Variants in HSF2BP observed in about 807,000 individuals in gnomAD.
HSF2BP encodes heat shock factor 2-binding protein.
Under a neutral mutation model 35.0 loss-of-function variants are expected in HSF2BP, and 35 were observed. The ratio of observed to expected loss-of-function variants is 1.00; its 90% CI spans 0.76 to 1.32. HSF2BP has a LOEUF of 1.32. Among genes scored for constraint, HSF2BP ranks in the 40% most tolerant of loss-of-function variants. The pLI is 0.00. For missense variants in HSF2BP, 326 were observed against 321.7 expected (o/e 1.01, Z -0.10); for synonymous variants, 114 against 117.4 (o/e 0.97, Z 0.18).
intron 4 of HSF2BP, among the ~76,000 whole-genome samples, chr21:43,640,068 A>C (rs2082615486): frequency 6.6e-6 from 1 of 152,216 alleles, no homozygotes. Context: ...TTGGGAGGAC[A>C]AGGCCAAAGG....
chr21:43,594,769 G>C (rs1164931851), intron 7 of HSF2BP, among the ~76,000 whole-genome samples: 1 of 151,360 alleles, frequency 6.6e-6, no homozygotes, highest in South Asian at 2.1e-4. Flanking sequence ...GAGGTAGGGA[G>C]GGAAAGATAA....
chr21:43,623,428 A>G (rs937220898), intron 6 of HSF2BP, among the ~76,000 whole-genome samples: 2 of 152,198 alleles, frequency 1.3e-5, no homozygotes, highest in African/African-American at 4.8e-5. Flanking sequence ...AAACTCAAAA[A>G]TACTAGAAGG....
intron 8 of HSF2BP, among the ~76,000 whole-genome samples, chr21:43,582,584 C>T (rs1459501832): frequency 1.6e-5 from 1 of 64,018 alleles, no homozygotes; most frequent in Non-Finnish European, 3.0e-5. Flanking sequence ...GAGATGAAGG[C>T]CTGCTGAAGG....
Position 43,617,155 on chromosome 21 carries a change from T to C in HSF2BP, c.575-3208A>G, listed in dbSNP as rs189876558. 1.6e-3 allele frequency among the ~76,000 whole-genome samples: 243 copies of C among 152,096 alleles called. 2 individuals carry two copies. The highest frequency in any genetic ancestry group is 5.6e-3 in the African/African-American group (232 of 41,478). ...ACTGTAGACCCACGAGCAAGATAAA[T>C]GTTAAGACTTTATATTTTGAGGAGG... On this transcript the variant is annotated intron_variant, in intron 6 of 8. Transcript: ENST00000291560.
At chr21:43,588,116 G>A (rs1601626929) in intron 8 of HSF2BP, among the ~76,000 whole-genome samples, 4 of 152,308 alleles carry the variant, frequency 2.6e-5, no homozygotes, top group South Asian at 2.1e-4. Flanking sequence ...GGTGGCTCAC[G>A]CCTGTAATCC....
At position 43,605,495 on chromosome 21, in the gene HSF2BP, A is replaced by C. The variant is rs375683892; in HGVS notation, c.692+8335T>G. On this transcript the variant is annotated intron_variant, in intron 7 of 8. Coordinates refer to ENST00000291560, the MANE Select transcript of HSF2BP (RefSeq NM_007031.2). ...CCCCACACGCCACACCCACACACAC[A>C]CCCACACATATCCCCCCACGCACCT... Among the ~76,000 whole-genome samples, 48 of 136,744 alleles carry C rather than the reference A, an allele frequency of 3.5e-4. 1 individual carries two copies. The highest frequency in any genetic ancestry group is 3.4e-3 in the East Asian group (14 of 4,134). The allele number at this position is 136,744 out of a possible 152,430, so 89.7% of individuals were successfully genotyped here. A position where few individuals can be genotyped will look rare whatever the true frequency, so the allele number is the denominator to read the frequency against.
intron 6 of HSF2BP, among the ~76,000 whole-genome samples, chr21:43,624,186 T>C (rs2082363207): frequency 1.3e-5 from 2 of 152,306 alleles, no homozygotes; most frequent in Admixed American, 6.5e-5. Flanking sequence ...TCTGCACAAA[T>C]GCTCGTATCA....
intron 7 of HSF2BP, among the ~76,000 whole-genome samples, chr21:43,605,903 C>T (rs1216799513): frequency 1.3e-5 from 2 of 151,732 alleles, no homozygotes; most frequent in Non-Finnish European, 2.9e-5. Flanking sequence ...GCCACATATA[C>T]ACACCCACAC....
At chr21:43,612,992 G>A (rs907042533) in intron 7 of HSF2BP, among the ~76,000 whole-genome samples, 1 of 152,124 alleles carries the variant, frequency 6.6e-6, no homozygotes, top group Non-Finnish European at 1.5e-5. Flanking sequence ...ATGTAATTAA[G>A]GTTACTAACC....
intron 1 of HSF2BP, among the ~76,000 whole-genome samples, chr21:43,658,922 G>GGGCCCGGC (rs1009380803): frequency 6.6e-6 from 1 of 152,178 alleles, no homozygotes; most frequent in Non-Finnish European, 1.5e-5. Context: ...GGGGGCCCGG[G>GGGCCCGGC]GGCTCCACAG....
In HSF2BP at chr21:43,595,726, ATTTTTTTTTTTTTTTT is replaced by A. The variant is rs770855952; in HGVS notation, c.693-3414_693-3399del. 4.5e-3 allele frequency among the ~76,000 whole-genome samples: 261 copies of A among 58,464 alleles called. 3 individuals are homozygous for A. Among genetic ancestry groups the A allele is most frequent in the African/African-American group, 0.014 (226 of 16,528 alleles). The allele number at this position is 58,464 out of a possible 152,430, so 38.4% of individuals were successfully genotyped here. On this transcript the variant is annotated intron_variant, in intron 7 of 8. Transcript: ENST00000291560. Reference sequence around the variant, plus strand: ...AGCATCTTTAAAAATTAAGAGGCTAATTTTTTTTTTTTTTTTTTTTTTTTTTTTTTTTTGTGAAACA... The same window carrying A: ...AGCATCTTTAAAAATTAAGAGGCTAATTTTTTTTTTTTTTTTTGTGAAACA...
chr21:43,637,044 T>G (rs577087813), intron 4 of HSF2BP, among the ~76,000 whole-genome samples: 1 of 151,980 alleles, frequency 6.6e-6, no homozygotes, highest in Admixed American at 6.5e-5. Flanking sequence ...ATCCCAGCAC[T>G]TTGGAAGGCC....
At chr21:43,615,554 G>T (rs1250024977) in intron 6 of HSF2BP, among the ~76,000 whole-genome samples, 2 of 152,150 alleles carry the variant, frequency 1.3e-5, no homozygotes, top group African/African-American at 4.8e-5. Context: ...AAACCTAACA[G>T]ATGTTTCCCC....
chr21:43,653,136 C>T (rs778356705), intron 3 of HSF2BP, among the ~76,000 whole-genome samples: 16 of 144,474 alleles, frequency 1.1e-4, no homozygotes, highest in South Asian at 2.2e-4. Context: ...GAGTGAGACT[C>T]GGAAGAAAGA....
chr21:43,575,686 CA>C (rs2081634326), intron 8 of HSF2BP, among the ~76,000 whole-genome samples: 1 of 152,202 alleles, frequency 6.6e-6, no homozygotes, highest in Non-Finnish European at 1.5e-5. Flanking sequence ...AGCTGGACAA[CA>C]GCGTGAGCTA....
At chr21:43,603,768 C>CA (rs1395899539) in intron 7 of HSF2BP, among the ~76,000 whole-genome samples, 2 of 151,978 alleles carry the variant, frequency 1.3e-5, no homozygotes, top group East Asian at 3.9e-4. Context: ...AGGGTCTTCA[C>CA]AAAAAAAGGC....
At chr21:43,613,984 A>G (rs763344491) in intron 6 of HSF2BP, 37 bp from the exon 7 acceptor site, 2 of 1,427,480 alleles carry the variant, frequency 1.4e-6, no homozygotes, top group Admixed American at 3.4e-5. Context: ...CAAGATCATT[A>G]TGACTCAGAA....
chr21:43,638,195 C>T (rs2082590578), intron 4 of HSF2BP, among the ~76,000 whole-genome samples: 1 of 152,134 alleles, frequency 6.6e-6, no homozygotes, highest in South Asian at 2.1e-4. Flanking sequence ...TGCGGTGGCT[C>T]ACACCTGTAA....
At chr21:43,625,796 A>G (rs1446481334) in intron 6 of HSF2BP, among the ~76,000 whole-genome samples, 1 of 152,148 alleles carries the variant, frequency 6.6e-6, no homozygotes, top group South Asian at 2.1e-4. Context: ...CCAACTCTTC[A>G]TAAGAGTTCC....
Sources: gnomAD v4.1 joint callset for allele counts (sites outside exome capture counted in the v4.1 genomes callset) on GRCh38, gnomAD v4.1.1 for gene constraint, MANE v1.5 for transcripts, NCBI Gene and HGNC (gene_info 2026-07-23, HGNC 2026-07-21) for gene names.